Variants in MTG2 observed in about 807,000 individuals in gnomAD.
MTG2 encodes the protein mitochondrial ribosome-associated GTPase 2.
MTG2 carries 23 observed loss-of-function variants against 28.6 expected under a neutral mutation model. That is an observed-to-expected ratio of 0.80 (90% confidence interval 0.58 to 1.14). The LOEUF (loss-of-function observed/expected upper bound fraction) is 1.14, where lower values mean the gene tolerates loss of function less well. MTG2 is among the 50% of genes most tolerant of loss of function. MTG2 has a pLI of 0.00. For synonymous variants in MTG2, 260 were observed against 251.8 expected (o/e 1.03, Z -0.31); for missense variants, 539 against 552.0 (o/e 0.98, Z 0.24).
chr20:62,193,541 C>A lies in MTG2; in HGVS notation c.121C>A (p.Pro41Thr). The stretch of plus-strand genomic sequence containing the variant: ...CCGGCTACTGCCACAGCGGGCTTCT[C>A]CCAGGCTGCTCTCGGTCGGCCGTGC... ...PSRLLPQRASPRLLSVGRADL... is the reference protein window; with the variant it reads ...PSRLLPQRASTRLLSVGRADL... Residue 41 changes from proline to threonine, a missense_variant, in exon 2 of 7, where the codon CCC becomes ACC. Coordinates refer to ENST00000370823, the MANE Select transcript of MTG2 (RefSeq NM_015666.4). 1 of 1,614,150 alleles carries A rather than the reference C, an allele frequency of 6.2e-7. No homozygotes were observed. Among genetic ancestry groups the A allele is most frequent in the Non-Finnish European group, 8.5e-7 (1 of 1,180,048 alleles).
At chr20:62,194,303 A>C (rs527474629) in intron 2 of MTG2, among the ~76,000 whole-genome samples, 9 of 152,178 alleles carry the variant, frequency 5.9e-5, no homozygotes, top group Admixed American at 3.9e-4. Context: ...GATAAGCATT[A>C]CTGGGACAAA....
At chr20:62,191,758 A>G (rs2057964723) in intron 1 of MTG2, among the ~76,000 whole-genome samples, 1 of 152,116 alleles carries the variant, frequency 6.6e-6, no homozygotes, top group Non-Finnish European at 1.5e-5. Flanking sequence ...CTCCTGTGCG[A>G]CCTGCTGAAG....
chr20:62,183,082 G>A (rs1438745342), intron 1 of MTG2, 25 bp downstream of exon 1: 1 of 152,266 alleles, frequency 6.6e-6, no homozygotes, highest in Non-Finnish European at 1.5e-5. Context: ...GGGGAGCGGG[G>A]AGCGTGGGCC....
In MTG2 at chr20:62,197,954, T is replaced by C; in HGVS notation, c.455T>C (p.Val152Ala). Residue 152 changes from valine (V) to alanine (A), a missense_variant, in exon 4 of 7, where the codon GTC (valine) becomes GCC (alanine). By Grantham distance (64) the Val-to-Ala change is moderately conservative. Coordinates refer to ENST00000370823, the MANE Select transcript of MTG2 (RefSeq NM_015666.4). ...SKNCFGRSGA[V>A]LYIRVPVGTL... Reference sequence around the variant, plus strand: ...AACTGCTTCGGGCGCAGTGGCGCCGTCCTCTACATCCGGGTGAGCCGAGAC... The same window carrying C: ...AACTGCTTCGGGCGCAGTGGCGCCGCCCTCTACATCCGGGTGAGCCGAGAC... 6.2e-7 allele frequency: 1 copy of C among 1,613,776 alleles called. No individual in the cohort carries two copies.
intron 4 of MTG2, 63 bp downstream of exon 4, chr20:62,198,030 G>C: frequency 6.7e-7 from 1 of 1,483,946 alleles, no homozygotes; most frequent in East Asian, 2.3e-5. Context: ...GCTCCTGGGG[G>C]CCACCGTGTG....
chr20:62,201,943 G>A lies in MTG2; in HGVS notation c.*866G>A, dbSNP rs1461474007. 1 of 152,302 alleles carries A rather than the reference G, an allele frequency of 6.6e-6. No homozygotes were observed. The highest frequency in any genetic ancestry group is 2.4e-5 in the African/African-American group (1 of 41,450). 9.4% of individuals were successfully genotyped at this position (152,302 alleles called of 1,614,324 possible). A position where few individuals can be genotyped will look rare whatever the true frequency, so the allele number is the denominator to read the frequency against. On this transcript the variant is annotated 3_prime_UTR_variant, in exon 7 of 7. Coordinates refer to ENST00000370823, the MANE Select transcript of MTG2 (RefSeq NM_015666.4). The stretch of plus-strand genomic sequence containing the variant: ...TATAGTGAGGAGTGGAAGGAGACGT[G>A]TGCCTGGTAATATGGGGCGGAATTT...
intron 1 of MTG2, among the ~76,000 whole-genome samples, chr20:62,188,972 G>A (rs1190499869): frequency 6.6e-6 from 1 of 152,060 alleles, no homozygotes; most frequent in African/African-American, 2.4e-5. Flanking sequence ...CTAGATAAAT[G>A]TTTTGATAGT....
chr20:62,183,752 A>G (rs2057774777), intron 1 of MTG2, among the ~76,000 whole-genome samples: 1 of 152,222 alleles, frequency 6.6e-6, no homozygotes, highest in Admixed American at 6.5e-5. Context: ...GGGAGGACCC[A>G]TTATAAAAGG....
At chr20:62,198,031 C>A in intron 4 of MTG2, 64 bp downstream of exon 4, 2 of 1,471,258 alleles carry the variant, frequency 1.4e-6, no homozygotes, top group Non-Finnish European at 1.9e-6. Flanking sequence ...CTCCTGGGGG[C>A]CACCGTGTGA....
rs181094116 is a variant in MTG2, at chr20:62,191,681, G to C, written c.-5-1735G>C. On this transcript the variant is annotated intron_variant, in intron 1 of 6. Coordinates refer to ENST00000370823, the MANE Select transcript of MTG2 (RefSeq NM_015666.4). Reference sequence around the variant, plus strand: ...GCTCTGGCCCCGTGTTGAGTTTTCAGCCGTCCACTGGGGCCCCTTCTGTAC... The same window carrying C: ...GCTCTGGCCCCGTGTTGAGTTTTCACCCGTCCACTGGGGCCCCTTCTGTAC... Among the ~76,000 whole-genome samples, 39 of 152,304 alleles carry C rather than the reference G, an allele frequency of 2.6e-4. No individual in the cohort carries two copies. The East Asian group carries it at 6.6e-3, about 26-fold the overall frequency.
rs1275720944 is a variant in MTG2, at chr20:62,203,505, T to G, written c.*2428T>G. On this transcript the variant is annotated 3_prime_UTR_variant, in exon 7 of 7. Transcript: ENST00000370823. The stretch of plus-strand genomic sequence containing the variant: ...TGTTTCCTGCCTAGAAACAAATTTT[T>G]GTCAGTCTGCTTTTCAAATGGGATA... The G allele has an allele frequency of 6.6e-6, 1 of 152,262 alleles. No homozygotes were observed. The highest frequency in any genetic ancestry group is 1.5e-5 in the Non-Finnish European group (1 of 68,044). 9.4% of individuals were successfully genotyped at this position (152,262 alleles called of 1,614,324 possible).
rs748754740 is a variant in MTG2, at chr20:62,201,065, G to A, written c.1209G>A (p.Pro403=). ...CCGAGCTGGGCCAGGGCCGCCAGCC[G>A]CTCAGGTGGTAGCCACGCCAGAGCG... ...AEAELGQGRQ[P]LRW Residue 403 remains proline (P), a synonymous_variant, in exon 7 of 7, where the codon CCG becomes CCA. Coordinates refer to ENST00000370823, the MANE Select transcript of MTG2 (RefSeq NM_015666.4). The A allele has an allele frequency of 3.4e-5, 54 of 1,597,844 alleles. No homozygotes were observed. Among genetic ancestry groups the A allele is most frequent in the South Asian group, 1.6e-4 (14 of 90,300 alleles).
At chr20:62,191,868 C>T (rs2057967069) in intron 1 of MTG2, among the ~76,000 whole-genome samples, 1 of 152,190 alleles carries the variant, frequency 6.6e-6, no homozygotes, top group African/African-American at 2.4e-5. Context: ...TCACTGTGCC[C>T]TTGGCACCTG....
chr20:62,186,452 A>T (rs1357500726), intron 1 of MTG2, among the ~76,000 whole-genome samples: 1 of 151,940 alleles, frequency 6.6e-6, no homozygotes, highest in Non-Finnish European at 1.5e-5. Flanking sequence ...GGTATTTAAG[A>T]ATACAACTGA....
intron 1 of MTG2, among the ~76,000 whole-genome samples, chr20:62,184,089 T>G (rs1468258145): frequency 6.6e-6 from 1 of 152,258 alleles, no homozygotes; most frequent in Non-Finnish European, 1.5e-5. Flanking sequence ...CTGGGCGCGG[T>G]GGCTCACGCC....
At chr20:62,190,310 G>A (rs763240634) in intron 1 of MTG2, among the ~76,000 whole-genome samples, 10 of 152,188 alleles carry the variant, frequency 6.6e-5, no homozygotes, top group East Asian at 3.8e-4. Flanking sequence ...TTCTGTGCGC[G>A]TTGGAAGCCA....
intron 1 of MTG2, among the ~76,000 whole-genome samples, chr20:62,185,885 C>T (rs951606209): frequency 6.6e-6 from 1 of 152,166 alleles, no homozygotes; most frequent in Non-Finnish European, 1.5e-5. Context: ...GGGATTTGTT[C>T]ATCCGGCAGG....
chr20:62,184,186 A>T (rs943680128), intron 1 of MTG2, among the ~76,000 whole-genome samples: 1 of 152,106 alleles, frequency 6.6e-6, no homozygotes, highest in Non-Finnish European at 1.5e-5. Flanking sequence ...GTGAAACCCC[A>T]TCTCTACTAA....
chr20:62,189,734 C>T lies in MTG2; in HGVS notation c.-5-3682C>T, dbSNP rs148110631. On this transcript the variant is annotated intron_variant, in intron 1 of 6. Coordinates refer to ENST00000370823, the MANE Select transcript of MTG2 (RefSeq NM_015666.4). ...AGGCTGGAGTGCAATGATGCAATCT[C>T]GGCTCACTGCAACCTCCGCCTCCCC... Among the ~76,000 whole-genome samples, 543 of 145,444 alleles carry T rather than the reference C, an allele frequency of 3.7e-3. 2 individuals are homozygous for T. Among genetic ancestry groups the T allele is most frequent in the Middle Eastern group, 0.012 (3 of 252 alleles).
Sources: allele counts gnomAD v4.1 joint callset (sites outside exome capture counted in the v4.1 genomes callset), GRCh38; gene constraint gnomAD v4.1.1; transcripts MANE v1.5; gene names NCBI Gene and HGNC (gene_info 2026-07-23, HGNC 2026-07-21).